The following B4GALNT3 variants were observed in gnomAD, a reference collection of about 807,000 sequenced individuals.
The protein encoded by B4GALNT3 is beta-1,4-N-acetyl-galactosaminyltransferase 3, also known as beta-1,4-N-acetylgalactosaminyltransferase 3.
In B4GALNT3, 86 loss-of-function variants were observed where a neutral mutation model predicts 120.2. The observed-to-expected ratio is 0.72, with a 90% CI of 0.60 to 0.86. The LOEUF (loss-of-function observed/expected upper bound fraction) is 0.86, where lower values mean the gene tolerates loss of function less well. Ranked by LOEUF, B4GALNT3 falls within the 40% of genes least tolerant of loss-of-function variation. B4GALNT3 has a pLI of 0.00. For missense variants in B4GALNT3, 1,167 were observed against 1,298.9 expected (o/e 0.90, Z 1.56); for synonymous variants, 518 against 510.4 (o/e 1.01, Z -0.20).
chr12:547,434 A>G (rs540151516), intron 7 of B4GALNT3, among the ~76,000 whole-genome samples: 10 of 152,262 alleles, frequency 6.6e-5, no homozygotes, highest in Admixed American at 4.6e-4. Flanking sequence ...TACGCATGCA[A>G]CAGAAGGCCG....
At chr12:490,487 A>G (rs761005433) in intron 1 of B4GALNT3, among the ~76,000 whole-genome samples, 1 of 152,222 alleles carries the variant, frequency 6.6e-6, no homozygotes, top group Non-Finnish European at 1.5e-5. Flanking sequence ...ATGTAATCCT[A>G]GCACTTTGGG....
In B4GALNT3 at chr12:543,263, G is replaced by A. The variant is rs116734237; in HGVS notation, c.352-1076G>A. ...GAATGGGATAGAGTGGGCCGGACCCGCACAGTGAGAGGAGCACCGGCCCCT... is the reference window on the plus strand; with the variant it reads ...GAATGGGATAGAGTGGGCCGGACCCACACAGTGAGAGGAGCACCGGCCCCT... On this transcript the variant is annotated intron_variant, in intron 3 of 19. Coordinates refer to ENST00000266383, the MANE Select transcript of B4GALNT3 (RefSeq NM_173593.4). The A allele has an allele frequency of 3.4e-5, 41 of 1,202,580 alleles. No individual in the cohort carries two copies. The African/African-American group carries it at 3.6e-4, about 11-fold the overall frequency. The allele number at this position is 1,202,580 out of a possible 1,614,324, so 74.5% of individuals were successfully genotyped here.
chr12:496,676 C>T (rs1448996488), intron 1 of B4GALNT3, among the ~76,000 whole-genome samples: 2 of 152,200 alleles, frequency 1.3e-5, no homozygotes, highest in African/African-American at 4.8e-5. Context: ...TCACCTCTGT[C>T]TAGTTCCCAA....
chr12:509,555 G>T (rs551031672), intron 1 of B4GALNT3, among the ~76,000 whole-genome samples: 8 of 152,242 alleles, frequency 5.3e-5, no homozygotes, highest in South Asian at 2.1e-4. Flanking sequence ...TCAGGTCTCT[G>T]CTCCTATTTG....
Position 552,043 on chromosome 12 carries a change from G to C in B4GALNT3, c.1108-20G>C, listed in dbSNP as rs905783402. ...AAGATCTCACTCTCTTACTCCTGCT[G>C]CTGATTTTTCCACTTCCAGGTTCAT... On this transcript the variant is annotated intron_variant, in intron 11 of 19. Transcript: ENST00000266383. 4.5e-6 allele frequency: 7 copies of C among 1,542,274 alleles called. No homozygotes were observed. The highest frequency in any genetic ancestry group is 6.3e-6 in the Non-Finnish European group (7 of 1,114,714).
At chr12:520,055 ATG>A (rs1946692339) in intron 1 of B4GALNT3, among the ~76,000 whole-genome samples, 1 of 152,072 alleles carries the variant, frequency 6.6e-6, no homozygotes, top group African/African-American at 2.4e-5. Context: ...GCCAGCTGTC[ATG>A]TCCCTCCAGC....
At chr12:510,502 G>GGGGGTGGCTGGGCTGGGA (rs1946537565) in intron 1 of B4GALNT3, among the ~76,000 whole-genome samples, 1 of 147,364 alleles carries the variant, frequency 6.8e-6, no homozygotes. Context: ...GGAGGGAAAC[G>GGGGGTGGCTGGGCTGGGA]GGCCCTTTCA....
chr12:561,282 G>A, intron 19 of B4GALNT3, 61 bp from the exon 20 acceptor site: 3 of 1,350,632 alleles, frequency 2.2e-6, no homozygotes, highest in South Asian at 1.2e-5. Context: ...GGTCGATGGG[G>A]AGGGGCCCCC....
At position 550,413 on chromosome 12, in the gene B4GALNT3, C is replaced by T. The variant is rs537407125; in HGVS notation, c.997+501C>T. Among the ~76,000 whole-genome samples the T allele has an allele frequency of 6.6e-6, 1 of 152,208 alleles. No homozygotes were observed. Among genetic ancestry groups the T allele is most frequent in the South Asian group, 2.1e-4 (1 of 4,814 alleles). On this transcript the variant is annotated intron_variant, in intron 10 of 19. Coordinates refer to ENST00000266383, the MANE Select transcript of B4GALNT3 (RefSeq NM_173593.4). This position sits in a 1 kb window ranked among gnomAD's most constrained non-coding sequence, Gnocchi z 4.1. Reference sequence around the variant, plus strand: ...CTGAGGTGGGAGGATCGCTTGAGCCCAGGAGGTTGAGGCTGCAGTGAGCTG... The same window carrying T: ...CTGAGGTGGGAGGATCGCTTGAGCCTAGGAGGTTGAGGCTGCAGTGAGCTG...
At chr12:509,213 C>A (rs1198119497) in intron 1 of B4GALNT3, among the ~76,000 whole-genome samples, 1 of 152,244 alleles carries the variant, frequency 6.6e-6, no homozygotes, top group Non-Finnish European at 1.5e-5. Context: ...CCCCAGCCCC[C>A]TTTGAGAGCT....
intron 1 of B4GALNT3, among the ~76,000 whole-genome samples, chr12:511,552 C>CCTT (rs1946561340): frequency 6.9e-6 from 1 of 144,500 alleles, no homozygotes; most frequent in Admixed American, 6.7e-5. Flanking sequence ...CTTCCTTCCA[C>CCTT]CTTCCACCTT....
At chr12:464,733 GA>G (rs1341106591) in intron 1 of B4GALNT3, among the ~76,000 whole-genome samples, 2 of 152,194 alleles carry the variant, frequency 1.3e-5, no homozygotes, top group African/African-American at 4.8e-5. Context: ...GCTCCTTTTA[GA>G]TCTCCCATTT....
chr12:503,539 T>C (rs1317772140), intron 1 of B4GALNT3, among the ~76,000 whole-genome samples: 1 of 152,202 alleles, frequency 6.6e-6, no homozygotes, highest in African/African-American at 2.4e-5. Context: ...GCCTCTTTGC[T>C]GTGTGGAGCA....
chr12:561,309 T>C (rs745970107), intron 19 of B4GALNT3, 34 bp from the exon 20 acceptor site: 12 of 1,565,924 alleles, frequency 7.7e-6, no homozygotes, highest in African/African-American at 1.4e-5. Flanking sequence ...CCTTCTGTGC[T>C]TCTGTTGGCT....
chr12:536,153 C>A, intron 2 of B4GALNT3, 65 bp from the exon 3 acceptor site: 2 of 1,403,224 alleles, frequency 1.4e-6, no homozygotes, highest in Admixed American at 3.4e-5. Flanking sequence ...CACTGTGCCT[C>A]CTGTCCTGCC....
At chr12:561,305 G>T in intron 19 of B4GALNT3, 38 bp from the exon 20 acceptor site, 1 of 1,552,316 alleles carries the variant, frequency 6.4e-7, no homozygotes. Flanking sequence ...GCTGCCTTCT[G>T]TGCTTCTGTT....
At chr12:516,324 T>C (rs1471271648) in intron 1 of B4GALNT3, among the ~76,000 whole-genome samples, 2 of 152,080 alleles carry the variant, frequency 1.3e-5, no homozygotes, top group Admixed American at 1.3e-4. Flanking sequence ...TTATTATAGA[T>C]AGGATGATCA....
At position 472,538 on chromosome 12, in the gene B4GALNT3, C is replaced by T. The variant is rs555344484; in HGVS notation, c.169+11993C>T. Among the ~76,000 whole-genome samples the T allele has an allele frequency of 3.2e-4, 49 of 152,284 alleles. 1 individual carries two copies. The South Asian group carries it at 9.3e-3, about 29-fold the overall frequency. On this transcript the variant is annotated intron_variant, in intron 1 of 19. Coordinates refer to ENST00000266383, the MANE Select transcript of B4GALNT3 (RefSeq NM_173593.4). ...CTGCAAGCTCCGCCTCCCGGGTTCACGCCATTCTCCTGCCTCAGCCTCCCG... is the reference window on the plus strand; with the variant it reads ...CTGCAAGCTCCGCCTCCCGGGTTCATGCCATTCTCCTGCCTCAGCCTCCCG...
rs11063289 is a variant in B4GALNT3, at chr12:499,593, C to G, written c.170-35573C>G. 9.9e-3 allele frequency among the ~76,000 whole-genome samples: 1,149 copies of G among 116,108 alleles called. 34 individuals carry two copies. Among genetic ancestry groups the G allele is most frequent in the African/African-American group, 0.051 (888 of 17,410 alleles). 76.2% of individuals were successfully genotyped at this position (116,108 alleles called of 152,430 possible). ...GCCCGTGCTCTCACTATCTAGAACA[C>G]TCCTAGCCCGTGGAGCCCGTGCTCT... On this transcript the variant is annotated intron_variant, in intron 1 of 19. Coordinates refer to ENST00000266383, the MANE Select transcript of B4GALNT3 (RefSeq NM_173593.4).
Sources: allele counts gnomAD v4.1 joint callset (sites outside exome capture counted in the v4.1 genomes callset), GRCh38; gene constraint gnomAD v4.1.1; non-coding constraint Gnocchi (gnomAD v3.1); transcripts MANE v1.5; gene names NCBI Gene and HGNC (gene_info 2026-07-23, HGNC 2026-07-21).